The following KCNMB2 variants were observed in gnomAD, a reference collection of about 807,000 sequenced individuals.
KCNMB2 encodes the protein calcium-activated potassium channel subunit beta-2.
Under a neutral mutation model 24.5 loss-of-function variants are expected in KCNMB2, and 9 were observed. The ratio of observed to expected loss-of-function variants is 0.37; its 90% CI spans 0.22 to 0.64. The LOEUF is 0.64. Among genes scored for constraint, KCNMB2 ranks in the 30% least tolerant of loss-of-function variants. The pLI, the probability that KCNMB2 is intolerant of heterozygous loss-of-function variation, is 0.63. For missense variants in KCNMB2, 226 were observed against 284.3 expected (o/e 0.79, Z 1.47); for synonymous variants, 109 against 104.4 (o/e 1.04, Z -0.27).
intron 1 of KCNMB2, among the ~76,000 whole-genome samples, chr3:178,675,353 T>A (rs1177512145): frequency 6.6e-6 from 1 of 152,176 alleles, no homozygotes; most frequent in Non-Finnish European, 1.5e-5. Context: ...CTAACTTGCA[T>A]CAAGCTAAGT....
At chr3:178,703,141 A>C (rs1722159350) in intron 1 of KCNMB2, among the ~76,000 whole-genome samples, 1 of 152,126 alleles carries the variant, frequency 6.6e-6, no homozygotes, top group Non-Finnish European at 1.5e-5. Flanking sequence ...AAAAGGAGAG[A>C]GATGATGACA....
chr3:178,757,218 C>A (rs1384359134), intron 1 of KCNMB2: 1 of 144,622 alleles, frequency 6.9e-6, no homozygotes, highest in African/African-American at 2.5e-5. Flanking sequence ...CAAAAATTAC[C>A]AGTGAAAATT....
chr3:178,683,463 C>T (rs1721346168), intron 1 of KCNMB2, among the ~76,000 whole-genome samples: 1 of 152,016 alleles, frequency 6.6e-6, no homozygotes, highest in African/African-American at 2.4e-5. Flanking sequence ...CACATGTACC[C>T]ACTGAATCTA....
Position 178,787,937 on chromosome 3 carries a change from T to C in KCNMB2, c.-67-19406T>C, listed in dbSNP as rs76704546. Among the ~76,000 whole-genome samples, 1,361 of 152,300 alleles carry C rather than the reference T, an allele frequency of 8.9e-3. 27 individuals carry two copies. The highest frequency in any genetic ancestry group is 0.032 in the African/African-American group (1,316 of 41,570). ...TTACTTAGTTTCCTGAAAATTAGTT[T>C]CCTCTTTGGGTAAAGAGTTCTCATA... On this transcript the variant is annotated intron_variant, in intron 1 of 4. Transcript: ENST00000452583.
intron 1 of KCNMB2, among the ~76,000 whole-genome samples, chr3:178,764,786 C>G (rs1712048320): frequency 6.6e-6 from 1 of 152,046 alleles, no homozygotes; most frequent in African/African-American, 2.4e-5. Context: ...GAGTGACATG[C>G]ATATATAGCA....
chr3:178,751,974 A>G (rs1723867026), intron 1 of KCNMB2, among the ~76,000 whole-genome samples: 1 of 152,256 alleles, frequency 6.6e-6, no homozygotes, highest in Non-Finnish European at 1.5e-5. Context: ...AACTGGTAGA[A>G]GCAAATTTAA....
chr3:178,730,604 TCAAA>T (rs1723117912), intron 1 of KCNMB2, among the ~76,000 whole-genome samples: 1 of 152,112 alleles, frequency 6.6e-6, no homozygotes, highest in Non-Finnish European at 1.5e-5. Context: ...TTTATTTCCG[TCAAA>T]CAATGAAATG....
chr3:178,802,088 C>T (rs1047650527), intron 1 of KCNMB2, among the ~76,000 whole-genome samples: 3 of 152,156 alleles, frequency 2.0e-5, no homozygotes, highest in African/African-American at 7.2e-5. Context: ...ATCCCTAAGT[C>T]TAAAATTATC....
At chr3:178,572,254 G>C (rs16829784) in intron 1 of KCNMB2, among the ~76,000 whole-genome samples, 4,614 of 152,222 alleles carry the variant, frequency 0.03, 229 homozygotes, top group African/African-American at 0.11. Flanking sequence ...CATGCCACTT[G>C]CTTACTTAAC....
chr3:178,621,548 G>T (rs1718921720), intron 1 of KCNMB2, among the ~76,000 whole-genome samples: 1 of 151,924 alleles, frequency 6.6e-6, no homozygotes, highest in African/African-American at 2.4e-5. Context: ...TTCCAGGACA[G>T]TTTTCATGCC....
intron 1 of KCNMB2, among the ~76,000 whole-genome samples, chr3:178,757,293 T>C (rs77289366): frequency 7.2e-4 from 78 of 107,924 alleles, no homozygotes; most frequent in African/African-American, 1.1e-3. Flanking sequence ...TCCAAGAGGA[T>C]ATATATATAT....
chr3:178,547,238 G>C (rs1041889932), intron 1 of KCNMB2, among the ~76,000 whole-genome samples: 1 of 152,074 alleles, frequency 6.6e-6, no homozygotes, highest in African/African-American at 2.4e-5. Context: ...CCTTGACCTT[G>C]AACTTCCCAG....
At chr3:178,704,076 T>C (rs903797988) in intron 1 of KCNMB2, among the ~76,000 whole-genome samples, 1 of 152,156 alleles carries the variant, frequency 6.6e-6, no homozygotes, top group African/African-American at 2.4e-5. Context: ...TTGAAAGATA[T>C]GGCATTAGAA....
chr3:178,782,360 C>T lies in KCNMB2; in HGVS notation c.-67-24983C>T, dbSNP rs1424990835. The stretch of plus-strand genomic sequence containing the variant: ...TTCTAGTTCTAGATCCCTGAGGAAT[C>T]GCCACACTGACTTCCACAATGGTTG... On this transcript the variant is annotated intron_variant, in intron 1 of 4. Transcript: ENST00000452583. Among the ~76,000 whole-genome samples, 8 of 149,704 alleles carry T rather than the reference C, an allele frequency of 5.3e-5. No homozygotes were observed. In the East Asian group the frequency reaches 9.9e-4, roughly 19 times the overall value.
chr3:178,549,781 C>T (rs1715888542), intron 1 of KCNMB2, among the ~76,000 whole-genome samples: 1 of 152,158 alleles, frequency 6.6e-6, no homozygotes, highest in African/African-American at 2.4e-5. Flanking sequence ...GAGCATCATG[C>T]AAACTTGCTC....
At chr3:178,635,967 A>G (rs1719505093) in intron 1 of KCNMB2, among the ~76,000 whole-genome samples, 1 of 152,254 alleles carries the variant, frequency 6.6e-6, no homozygotes, top group South Asian at 2.1e-4. Context: ...CTGTCATTAG[A>G]GATGCAGAAG....
chr3:178,842,895 C>CCT lies in KCNMB2; in HGVS notation c.670_671dup (p.Leu225ProfsTer18). The CCT allele has an allele frequency of 6.2e-7, 1 of 1,613,824 alleles. No individual in the cohort carries two copies. Among genetic ancestry groups the CCT allele is most frequent in the Non-Finnish European group, 8.5e-7 (1 of 1,179,794 alleles). On this transcript the variant is annotated frameshift_variant, in exon 5 of 5. Transcript: ENST00000452583. LOFTEE classifies it high-confidence loss of function. ...TTGCCATGGTGAAACTTACACAGTACCTCTCCCTACTATGTGAGAGGATCC... is the reference window on the plus strand; with the variant it reads ...TTGCCATGGTGAAACTTACACAGTACCTCTCTCCCTACTATGTGAGAGGATCC...
At chr3:178,713,240 A>C (rs1256289801) in intron 1 of KCNMB2, among the ~76,000 whole-genome samples, 1 of 152,238 alleles carries the variant, frequency 6.6e-6, no homozygotes, top group Admixed American at 6.5e-5. Context: ...CTGTGGTTAC[A>C]GATTCATGTT....
intron 1 of KCNMB2, among the ~76,000 whole-genome samples, chr3:178,570,235 C>A (rs1716722414): frequency 6.6e-6 from 1 of 152,092 alleles, no homozygotes; most frequent in Non-Finnish European, 1.5e-5. Flanking sequence ...TCCTAGTTTT[C>A]ATGTATTTTT....
Sources: gnomAD v4.1 joint callset for allele counts (sites outside exome capture counted in the v4.1 genomes callset) on GRCh38, gnomAD v4.1.1 for gene constraint, MANE v1.5 for transcripts, NCBI Gene and HGNC (gene_info 2026-07-23, HGNC 2026-07-21) for gene names.